MAP3K20: variants seen among roughly 807,000 people sequenced by gnomAD.
The protein encoded by MAP3K20 is mitogen-activated protein kinase kinase kinase 20, also known as HCCS-4.
MAP3K20 carries 40 observed loss-of-function variants against 85.7 expected under a neutral mutation model. That is an observed-to-expected ratio of 0.47 (90% CI 0.36 to 0.61). The LOEUF (loss-of-function observed/expected upper bound fraction) is 0.61, where lower values mean the gene tolerates loss of function less well. Among genes scored for constraint, MAP3K20 ranks in the 20% least tolerant of loss-of-function variants. MAP3K20 has a pLI of 0.00. For missense variants in MAP3K20, 817 were observed against 961.7 expected (o/e 0.85, Z 1.99); for synonymous variants, 325 against 327.7 (o/e 0.99, Z 0.09).
chr2:173,209,674 T>TA, intron 9 of MAP3K20, 55 bp from the exon 10 acceptor site: 2 of 1,475,886 alleles, frequency 1.4e-6, no homozygotes, highest in Admixed American at 4.0e-5. Flanking sequence ...CGTTTTCTCT[T>TA]AAATATCTCC....
intron 11 of MAP3K20, among the ~76,000 whole-genome samples, chr2:173,227,453 C>T (rs1464689305): frequency 6.6e-6 from 1 of 152,072 alleles, no homozygotes; most frequent in East Asian, 1.9e-4. Flanking sequence ...AACTCTTATC[C>T]CCCGTCTTGC....
At chr2:173,237,787 T>C (rs1181836090) in intron 14 of MAP3K20, among the ~76,000 whole-genome samples, 1 of 152,252 alleles carries the variant, frequency 6.6e-6, no homozygotes, top group Non-Finnish European at 1.5e-5. Context: ...ACCTGCATTC[T>C]GTACAACAGA....
intron 2 of MAP3K20, among the ~76,000 whole-genome samples, chr2:173,138,694 G>A (rs557623303): frequency 2.2e-4 from 34 of 152,302 alleles, no homozygotes; most frequent in Middle Eastern, 6.8e-3. Context: ...ACCCTGTTAG[G>A]TTCCCTCTGT....
chr2:173,209,676 A>AGAAAGGAG, intron 9 of MAP3K20, 53 bp from the exon 10 acceptor site: 1 of 1,481,938 alleles, frequency 6.7e-7, no homozygotes. Context: ...TTTTCTCTTA[A>AGAAAGGAG]ATATCTCCTT....
chr2:173,198,186 C>G lies in MAP3K20; in HGVS notation c.669+74C>G, dbSNP rs556076330. 7.4e-7 allele frequency: 1 copy of G among 1,348,662 alleles called. No individual in the cohort carries two copies. The highest frequency in any genetic ancestry group is 2.0e-5 in the Admixed American group (1 of 50,564). The allele number at this position is 1,348,662 out of a possible 1,614,324, so 83.5% of individuals were successfully genotyped here. A position where few individuals can be genotyped will look rare whatever the true frequency, so the allele number is the denominator to read the frequency against. On this transcript the variant is annotated intron_variant, in intron 8 of 19. Transcript: ENST00000375213. The surrounding 1 kb of genome is among the most constrained non-coding windows in gnomAD (Gnocchi z 5.8). ...GGGGTTTTGCAAAAGACTTTTTCAT[C>G]TTCTTCAAATTGAAAGTAAGTTCAC...
At chr2:173,109,188 A>G (rs1687872175) in intron 2 of MAP3K20, among the ~76,000 whole-genome samples, 1 of 152,224 alleles carries the variant, frequency 6.6e-6, no homozygotes, top group African/African-American at 2.4e-5. Flanking sequence ...TCCAGGTTGT[A>G]ATTGGTAGCT....
chr2:173,222,079 G>T, intron 11 of MAP3K20: 3 of 927,424 alleles, frequency 3.2e-6, no homozygotes, highest in Non-Finnish European at 2.6e-6. Flanking sequence ...GCACACACCT[G>T]TAGTCCCAGA....
chr2:173,089,168 T>G (rs1304876246), intron 1 of MAP3K20, among the ~76,000 whole-genome samples: 3 of 142,844 alleles, frequency 2.1e-5, no homozygotes, highest in Non-Finnish European at 4.8e-5. Context: ...AACCAACCCC[T>G]TCTACCTTTT....
intron 2 of MAP3K20, among the ~76,000 whole-genome samples, chr2:173,133,604 T>C (rs1256032305): frequency 6.6e-6 from 1 of 152,160 alleles, no homozygotes; most frequent in African/African-American, 2.4e-5. Flanking sequence ...AAGACCAACC[T>C]TTCTAATTTT....
At chr2:173,156,785 A>G (rs1559256199) in intron 2 of MAP3K20, among the ~76,000 whole-genome samples, 1 of 152,210 alleles carries the variant, frequency 6.6e-6, no homozygotes, top group Admixed American at 6.5e-5. Context: ...ATAAGGAGCT[A>G]AAGTAGAATG....
intron 9 of MAP3K20, among the ~76,000 whole-genome samples, chr2:173,208,817 G>A (rs959535845): frequency 9.8e-5 from 15 of 152,288 alleles, no homozygotes; most frequent in East Asian, 3.9e-4. Context: ...CAGTAATGGC[G>A]TAATTACGAG....
Position 173,266,629 on chromosome 2 carries a change from G to A in MAP3K20, c.2282G>A (p.Ser761Asn), listed in dbSNP as rs760519854. Residue 761 changes from serine (S) to asparagine (N), a missense_variant, in exon 20 of 20, where the codon AGC (serine) becomes AAC (asparagine). By Grantham distance (46) the Ser-to-Asn change is conservative. This residue lies in a region of MAP3K20 where 454 missense variants were observed against 476.9 expected (regional missense o/e 0.95). Transcript: ENST00000375213. ...GACTCAAGAGCCAGTGAAGAGGACA[G>A]CAAAGTCAGCGAAGGGGGCTGGACA... is the stretch of plus-strand genomic sequence containing the variant. ...ETDSRASEED[S>N]KVSEGGWTKV... 3.7e-6 allele frequency: 6 copies of A among 1,613,868 alleles called. 1 individual carries two copies. The South Asian group carries it at 6.6e-5, about 18-fold the overall frequency.
chr2:173,160,403 T>C (rs1689622288), intron 2 of MAP3K20: 1 of 152,192 alleles, frequency 6.6e-6, no homozygotes, highest in African/African-American at 2.4e-5. Context: ...CATCTTGTCA[T>C]ACAGGTAAGA....
At position 173,124,944 on chromosome 2, in the gene MAP3K20, C is replaced by T. The variant is rs1370766141; in HGVS notation, c.159+33754C>T. 2.6e-5 allele frequency among the ~76,000 whole-genome samples: 4 copies of T among 152,116 alleles called. No homozygotes were observed. The South Asian group carries it at 8.3e-4, about 31-fold the overall frequency. On this transcript the variant is annotated intron_variant, in intron 2 of 19. Coordinates refer to ENST00000375213, the MANE Select transcript of MAP3K20 (RefSeq NM_016653.3). ...TCCAGGCTATAGTGAGCTATGATTG[C>T]ACCATTGCACTCCAGCCTGGGGGAC...
intron 11 of MAP3K20, chr2:173,226,379 CAG>C (rs1684389170): frequency 3.0e-6 from 3 of 985,006 alleles, no homozygotes; most frequent in African/African-American, 1.8e-5. Context: ...TTGAAAGTAG[CAG>C]AGTTTCATCA....
intron 3 of MAP3K20, among the ~76,000 whole-genome samples, 193 bp from the exon 4 acceptor site, chr2:173,182,661 T>C (rs555777597): frequency 8.6e-4 from 131 of 152,340 alleles, no homozygotes; most frequent in African/African-American, 3.1e-3. Flanking sequence ...CATTGTAAGT[T>C]ACTGTCTTTT....
At chr2:173,157,046 A>T (rs1228831177) in intron 2 of MAP3K20, among the ~76,000 whole-genome samples, 6 of 152,184 alleles carry the variant, frequency 3.9e-5, no homozygotes, top group Non-Finnish European at 5.9e-5. Flanking sequence ...GCAGGTGAAA[A>T]TATGGGTGTC....
intron 2 of MAP3K20, among the ~76,000 whole-genome samples, chr2:173,136,659 TAA>T (rs1189178296): frequency 6.6e-6 from 1 of 152,196 alleles, no homozygotes; most frequent in East Asian, 1.9e-4. Flanking sequence ...AAAGAGAACG[TAA>T]AAGAGGTGAC....
At chr2:173,227,098 T>C in intron 11 of MAP3K20, 1 of 985,898 alleles carries the variant, frequency 1.0e-6, no homozygotes. Flanking sequence ...TTTTCTTTGC[T>C]TTCCTTTGTT....
Sources: gnomAD v4.1 joint callset for allele counts (sites outside exome capture counted in the v4.1 genomes callset) on GRCh38, gnomAD v4.1.1 for gene constraint, gnomAD v4.1.1 regional missense constraint, Gnocchi (gnomAD v3.1) non-coding constraint, MANE v1.5 for transcripts, NCBI Gene and HGNC (gene_info 2026-07-23, HGNC 2026-07-21) for gene names.